RP1: variants seen among roughly 807,000 people sequenced by gnomAD.
RP1 encodes RP1 axonemal microtubule associated.
RP1 carries 16 observed loss-of-function variants against 14.8 expected under a neutral mutation model. The ratio of observed to expected loss-of-function variants is 1.08; its 90% CI spans 0.73 to 1.65. The LOEUF is 1.65. Ranked by LOEUF, RP1 falls within the 40% of genes most tolerant of loss-of-function variation. The pLI is 0.00. For synonymous variants in RP1, 876 were observed against 883.6 expected (o/e 0.99, Z 0.15); for missense variants, 2,631 against 2,535.0 (o/e 1.04, Z -0.81).
intron 15 of RP1, among the ~76,000 whole-genome samples, chr8:54,718,275 A>G (rs1585632770): frequency 6.6e-6 from 1 of 152,206 alleles, no homozygotes; most frequent in Non-Finnish European, 1.5e-5. Flanking sequence ...ATACTGAAGA[A>G]GAACAAAGTT....
chr8:54,715,116 G>A (rs558926383), intron 15 of RP1, among the ~76,000 whole-genome samples: 2 of 152,368 alleles, frequency 1.3e-5, no homozygotes, highest in African/African-American at 4.8e-5. Flanking sequence ...TATTAAGTAT[G>A]AAAAGTTAAA....
chr8:54,816,648 C>T (rs1310765518), intron 24 of RP1, among the ~76,000 whole-genome samples: 1 of 152,236 alleles, frequency 6.6e-6, no homozygotes, highest in African/African-American at 2.4e-5. Context: ...TAGTCTCTTA[C>T]ATAGTCTCTC....
At chr8:54,869,885 A>G in exon 29 of RP1, 9 of 1,231,926 alleles carry the variant, frequency 7.3e-6, no homozygotes, top group Non-Finnish European at 9.1e-6. Context: ...CCCAGCGGGA[A>G]TTGCTCGCAG....
chr8:54,762,512 A>G (rs1809664664), intron 22 of RP1, among the ~76,000 whole-genome samples: 1 of 152,230 alleles, frequency 6.6e-6, no homozygotes, highest in South Asian at 2.1e-4. Context: ...ATAGGGGTAT[A>G]CATCACTGAA....
At chr8:54,608,742 T>C (rs1805520645) in intron 1 of RP1, among the ~76,000 whole-genome samples, 1 of 152,222 alleles carries the variant, frequency 6.6e-6, no homozygotes, top group Non-Finnish European at 1.5e-5. Flanking sequence ...GCTATCCTAA[T>C]AACAATAGTC....
chr8:54,658,803 C>A (rs1806814185), intron 6 of RP1, among the ~76,000 whole-genome samples: 1 of 151,734 alleles, frequency 6.6e-6, no homozygotes, highest in South Asian at 2.1e-4. Flanking sequence ...TTTTGAGGAA[C>A]CTCCTTACCT....
At chr8:54,863,246 A>G (rs973019344) in intron 27 of RP1, among the ~76,000 whole-genome samples, 2 of 151,978 alleles carry the variant, frequency 1.3e-5, no homozygotes, top group African/African-American at 4.8e-5. Flanking sequence ...AGAAACACAT[A>G]TACTTACCAT....
intron 25 of RP1, chr8:54,837,771 A>T (rs1427625900): frequency 2.1e-5 from 12 of 585,194 alleles, no homozygotes; most frequent in Middle Eastern, 1.0e-3. Context: ...ACCAGACAGT[A>T]AATATCTCAC....
At chr8:54,804,851 A>T (rs1336723414) in intron 24 of RP1, among the ~76,000 whole-genome samples, 1 of 152,222 alleles carries the variant, frequency 6.6e-6, no homozygotes, top group South Asian at 2.1e-4. Context: ...ATTATATTTT[A>T]AAAAGTCTAA....
At position 54,629,663 on chromosome 8, in the gene RP1, C is replaced by T. The variant is rs763123902; in HGVS notation, c.5781C>T (p.Pro1927=). ...HCPILTVIIQ[P]MNEEDRGFAY... ...CAATACTAACTGTTATTATCCAACC[C>T]ATGAATGAGGAAGACCGAGGATTTG... The change falls in exon 4 of 4, where the codon CCC becomes CCT. Residue 1927 remains proline (P), a synonymous_variant. Coordinates refer to ENST00000220676, the MANE Select transcript of RP1 (RefSeq NM_006269.2). The T allele has an allele frequency of 1.6e-5, 26 of 1,613,900 alleles. No individual in the cohort carries two copies. The highest frequency in any genetic ancestry group is 2.2e-5 in the Non-Finnish European group (26 of 1,179,990).
At chr8:54,762,702 C>A (rs1480234042) in intron 22 of RP1, among the ~76,000 whole-genome samples, 2 of 152,186 alleles carry the variant, frequency 1.3e-5, no homozygotes, top group Non-Finnish European at 2.9e-5. Flanking sequence ...CATTGAACAA[C>A]TGAAATATAT....
At chr8:54,580,657 C>T (rs1370402569) in intron 1 of RP1, among the ~76,000 whole-genome samples, 7 of 147,056 alleles carry the variant, frequency 4.8e-5, no homozygotes, top group Non-Finnish European at 7.5e-5. Flanking sequence ...CTTGCTATGT[C>T]GCCCAGGCTG....
intron 7 of RP1, among the ~76,000 whole-genome samples, chr8:54,668,908 C>T (rs946612175): frequency 1.7e-4 from 26 of 152,102 alleles, no homozygotes; most frequent in African/African-American, 6.3e-4. Context: ...AATGTTAGAC[C>T]TAAAACCATA....
chr8:54,696,561 T>C, intron 12 of RP1: 1 of 735,568 alleles, frequency 1.4e-6, no homozygotes, highest in Non-Finnish European at 2.4e-6. Context: ...CTGGAATTAT[T>C]CCTACATGAC....
At chr8:54,563,995 C>T (rs1374580480) in intron 1 of RP1, among the ~76,000 whole-genome samples, 1 of 152,160 alleles carries the variant, frequency 6.6e-6, no homozygotes, top group African/African-American at 2.4e-5. Flanking sequence ...AAACTCATCC[C>T]AGGAGCTATT....
chr8:54,568,677 G>A (rs1212849389), intron 1 of RP1, among the ~76,000 whole-genome samples: 1 of 152,212 alleles, frequency 6.6e-6, no homozygotes, highest in Non-Finnish European at 1.5e-5. Flanking sequence ...AATGGTGTGA[G>A]ACACATGCTT....
rs1809188443 is a variant in RP1 at position 54,744,945 on chromosome 8, C to A, written c.2808+5916C>A. 3.9e-5 allele frequency among the ~76,000 whole-genome samples: 6 copies of A among 152,214 alleles called. No individual in the cohort carries two copies. The South Asian group carries it at 8.3e-4, about 21-fold the overall frequency. On this transcript the variant is annotated intron_variant, in intron 19 of 22. Coordinates refer to the RP1 transcript ENST00000636932. ...TTCAGTGTGTCAGGGTGGGAGAGAG[C>A]ACATCAAGTCTCTCCTTGGACTTTG...
chr8:54,653,135 T>A (rs1002368399), intron 5 of RP1, among the ~76,000 whole-genome samples: 1 of 152,206 alleles, frequency 6.6e-6, no homozygotes, highest in Non-Finnish European at 1.5e-5. Flanking sequence ...CTTGATATAG[T>A]TGCACTGCTG....
At chr8:54,779,168 C>T (rs1810119217) in intron 23 of RP1, among the ~76,000 whole-genome samples, 1 of 152,094 alleles carries the variant, frequency 6.6e-6, no homozygotes, top group Non-Finnish European at 1.5e-5. Flanking sequence ...TTAATCCACC[C>T]CTAATTATTA....
Sources: allele counts gnomAD v4.1 joint callset (sites outside exome capture counted in the v4.1 genomes callset), GRCh38; gene constraint gnomAD v4.1.1; transcripts MANE v1.5; gene names NCBI Gene and HGNC (gene_info 2026-07-23, HGNC 2026-07-21).